The following MAST4 variants were observed in gnomAD, a reference collection of about 807,000 sequenced individuals.
The protein encoded by MAST4 is microtubule associated serine/threonine kinase family member 4, also known as microtubule-associated serine/threonine-protein kinase 4.
MAST4 carries 89 observed loss-of-function variants against 162.7 expected under a neutral mutation model. The ratio of observed to expected loss-of-function variants is 0.55; its 90% CI spans 0.46 to 0.65. The LOEUF is 0.65. Among genes scored for constraint, MAST4 ranks in the 30% least tolerant of loss-of-function variants. The pLI is 0.00. For synonymous variants in MAST4, 1,479 were observed against 1,361.1 expected (o/e 1.09, Z -1.91); for missense variants, 3,153 against 3,374.0 (o/e 0.93, Z 1.62).
At chr5:66,651,073 A>T (rs1746186291) in intron 1 of MAST4, among the ~76,000 whole-genome samples, 1 of 152,120 alleles carries the variant, frequency 6.6e-6, no homozygotes, top group Non-Finnish European at 1.5e-5. Context: ...GTAGAGCAAA[A>T]TCTATATTAT....
At chr5:66,698,878 A>G (rs1749581256) in intron 1 of MAST4, among the ~76,000 whole-genome samples, 1 of 152,176 alleles carries the variant, frequency 6.6e-6, no homozygotes, top group Non-Finnish European at 1.5e-5. Flanking sequence ...CCATGGGCAT[A>G]ACCCTTCTGT....
intron 3 of MAST4, among the ~76,000 whole-genome samples, chr5:66,823,866 A>T (rs915776816): frequency 3.3e-5 from 5 of 152,186 alleles, no homozygotes; most frequent in Non-Finnish European, 5.9e-5. Context: ...AGGAATTTAA[A>T]TGTAGACACT....
chr5:66,960,724 C>G (rs1459232801), intron 4 of MAST4, among the ~76,000 whole-genome samples: 1 of 152,028 alleles, frequency 6.6e-6, no homozygotes, highest in Admixed American at 6.6e-5. Context: ...TCTTTCTTTC[C>G]TCTTCTTCCT....
intron 1 of MAST4, among the ~76,000 whole-genome samples, chr5:66,660,945 C>T (rs1746867996): frequency 6.6e-6 from 1 of 152,186 alleles, no homozygotes; most frequent in African/African-American, 2.4e-5. Context: ...CAGACTATTG[C>T]AGTCAGGCTT....
intron 3 of MAST4, among the ~76,000 whole-genome samples, chr5:66,815,615 T>A (rs1242240588): frequency 1.3e-5 from 2 of 152,216 alleles, no homozygotes; most frequent in Non-Finnish European, 2.9e-5. Context: ...ATAACGTTTT[T>A]AAAAAATTCT....
chr5:66,902,193 C>T (rs1390453775), intron 4 of MAST4, among the ~76,000 whole-genome samples: 1 of 152,156 alleles, frequency 6.6e-6, no homozygotes, highest in Non-Finnish European at 1.5e-5. Context: ...TAAGCAACTG[C>T]ACATAGCGTG....
chr5:66,836,126 G>T (rs947058700), intron 3 of MAST4, among the ~76,000 whole-genome samples: 2 of 151,796 alleles, frequency 1.3e-5, no homozygotes, highest in African/African-American at 4.8e-5. Flanking sequence ...AGCTGTGTTC[G>T]TGCCACTGCA....
At chr5:66,645,401 G>A (rs748411684) in intron 1 of MAST4, among the ~76,000 whole-genome samples, 3 of 152,134 alleles carry the variant, frequency 2.0e-5, no homozygotes, top group Non-Finnish European at 4.4e-5. Context: ...AGTTATTCCA[G>A]TTATTTCTCA....
chr5:66,635,013 T>C (rs561311551), intron 1 of MAST4, among the ~76,000 whole-genome samples: 6 of 152,358 alleles, frequency 3.9e-5, no homozygotes, highest in African/African-American at 1.4e-4. Flanking sequence ...AGTATTGTCT[T>C]TGAAAAGCTT....
chr5:66,634,925 C>G (rs34382006), intron 1 of MAST4, among the ~76,000 whole-genome samples: 2 of 152,032 alleles, frequency 1.3e-5, no homozygotes, highest in South Asian at 4.1e-4. Flanking sequence ...CTGGTGGTCC[C>G]GCCCCATCAG....
At chr5:66,673,925 A>G (rs2149476568) in intron 1 of MAST4, among the ~76,000 whole-genome samples, 1 of 152,248 alleles carries the variant, frequency 6.6e-6, no homozygotes, top group South Asian at 2.1e-4. Context: ...ATGAAACTAT[A>G]CCTTGTATTT....
chr5:66,724,161 C>T (rs549490849), intron 1 of MAST4, among the ~76,000 whole-genome samples: 1 of 152,258 alleles, frequency 6.6e-6, no homozygotes, highest in East Asian at 1.9e-4. Flanking sequence ...TAATTTTCTT[C>T]CTAGCAGAGG....
At chr5:66,761,484 CCAAA>C (rs1340566586) in intron 2 of MAST4, among the ~76,000 whole-genome samples, 5 of 152,114 alleles carry the variant, frequency 3.3e-5, no homozygotes, top group African/African-American at 1.2e-4. Flanking sequence ...CTTAAAATCC[CCAAA>C]CAGAGTTTTC....
At chr5:67,031,978 C>T (rs1015711051) in intron 4 of MAST4, among the ~76,000 whole-genome samples, 4 of 152,162 alleles carry the variant, frequency 2.6e-5, no homozygotes, top group Admixed American at 1.3e-4. Flanking sequence ...AGTTACTCAT[C>T]GTGACCTACT....
Position 66,821,781 on chromosome 5 carries a change from G to A in MAST4, c.642+32987G>A, listed in dbSNP as rs550262675. 3.3e-5 allele frequency among the ~76,000 whole-genome samples: 5 copies of A among 152,234 alleles called. No homozygotes were observed. The South Asian group carries it at 1.0e-3, about 32-fold the overall frequency. ...GAGGAGGGGCTGCTGGGAAACCTCGGTGCCCTCCTCAGCCTTGAGCATGTT... is the reference window on the plus strand; with the variant it reads ...GAGGAGGGGCTGCTGGGAAACCTCGATGCCCTCCTCAGCCTTGAGCATGTT... On this transcript the variant is annotated intron_variant, in intron 3 of 28. Coordinates refer to ENST00000403625, the MANE Select transcript of MAST4 (RefSeq NM_001164664.2).
intron 3 of MAST4, among the ~76,000 whole-genome samples, chr5:66,813,392 C>G (rs1221828590): frequency 6.6e-6 from 1 of 152,154 alleles, no homozygotes; most frequent in Admixed American, 6.5e-5. Context: ...ATTTTTCCCT[C>G]CTTCAAGGAA....
At chr5:66,647,006 G>A (rs967403208) in intron 1 of MAST4, among the ~76,000 whole-genome samples, 2 of 152,074 alleles carry the variant, frequency 1.3e-5, no homozygotes, top group African/African-American at 2.4e-5. Context: ...TTGGATATAT[G>A]CCCTCTGCTT....
At chr5:66,598,592 G>C (rs149141338) in intron 1 of MAST4, among the ~76,000 whole-genome samples, 3,080 of 152,246 alleles carry the variant, frequency 0.02, 104 homozygotes, top group African/African-American at 0.07. Flanking sequence ...TCAAGGTGCG[G>C]GGCATGTGCC....
intron 4 of MAST4, among the ~76,000 whole-genome samples, chr5:66,914,007 G>T (rs1763943007): frequency 6.6e-6 from 1 of 152,072 alleles, no homozygotes; most frequent in African/African-American, 2.4e-5. Flanking sequence ...TCAATCTACT[G>T]TCTTGATTAT....
Sources: gnomAD v4.1 joint callset for allele counts (sites outside exome capture counted in the v4.1 genomes callset) on GRCh38, gnomAD v4.1.1 for gene constraint, MANE v1.5 for transcripts, NCBI Gene and HGNC (gene_info 2026-07-23, HGNC 2026-07-21) for gene names.